The following AGXT2 variants were observed in gnomAD, a reference collection of about 807,000 sequenced individuals.
The protein encoded by AGXT2 is alanine--glyoxylate aminotransferase 2, mitochondrial.
In AGXT2, 61 loss-of-function variants were observed where a neutral mutation model predicts 62.5. The observed-to-expected ratio is 0.98, with a 90% CI of 0.79 to 1.21. The LOEUF (loss-of-function observed/expected upper bound fraction) is 1.21. Among genes scored for constraint, AGXT2 ranks in the 50% most tolerant of loss-of-function variants. The pLI is 0.00. For synonymous variants in AGXT2, 243 were observed against 218.7 expected, an observed-to-expected ratio of 1.11 and a Z score of -0.98; for missense variants, 666 against 641.5, an observed-to-expected ratio of 1.04 and a Z score of -0.41.
intron 1 of AGXT2, among the ~76,000 whole-genome samples, chr5:35,041,223 C>CGAAAAAAAAA (rs70973023): frequency 0.18 from 9,251 of 51,412 alleles, 1,328 homozygotes; most frequent in Middle Eastern, 0.26. Context: ...CTCCCCCCGC[C>CGAAAAAAAAA]AAAAAAAAAA....
At chr5:35,036,324 G>T (rs192613342) in intron 4 of AGXT2, among the ~76,000 whole-genome samples, 1 of 152,106 alleles carries the variant, frequency 6.6e-6, no homozygotes, top group Non-Finnish European at 1.5e-5. Context: ...GATAACACTC[G>T]GGACTGAGCA....
Position 35,022,650 on chromosome 5 carries a change from C to T in AGXT2, c.963+3113G>A, listed in dbSNP as rs560286517. 1.7e-4 allele frequency among the ~76,000 whole-genome samples: 25 copies of T among 150,596 alleles called. No individual in the cohort carries two copies. In the South Asian group the frequency reaches 5.3e-3, roughly 32 times the overall value. On this transcript the variant is annotated intron_variant, in intron 9 of 13. Transcript: ENST00000231420. ...ATGACGAGTTAGTGGGTGCAGCGCA[C>T]CAGCATGGCACATGTATACATATGC...
intron 9 of AGXT2, among the ~76,000 whole-genome samples, chr5:35,024,723 C>G (rs961138645): frequency 6.6e-5 from 10 of 152,306 alleles, no homozygotes; most frequent in Admixed American, 2.6e-4. Context: ...AAACCCAGCA[C>G]TTTGGGACGC....
chr5:35,040,604 G>C lies in AGXT2; in HGVS notation c.148C>G (p.Pro50Ala). The C allele has an allele frequency of 6.2e-7, 1 of 1,613,964 alleles. No homozygotes were observed. ...LSLHTKPRMP[P>A]CDFMPERYQS... ...TATCTTTCAGGCATGAAGTCACATG[G>C]AGGCATTCTGGGCTTTGTATGAAGA... is the stretch of plus-strand genomic sequence containing the variant. Residue 50 changes from proline to alanine, a missense_variant, in exon 2 of 14, where the codon CCA (proline) becomes GCA (alanine). Physicochemically the swap from Pro to Ala is conservative, Grantham distance 27. Transcript: ENST00000231420.
chr5:34,999,614 C>T (rs1766153935), intron 13 of AGXT2, among the ~76,000 whole-genome samples: 2 of 152,078 alleles, frequency 1.3e-5, no homozygotes, highest in Non-Finnish European at 2.9e-5. Flanking sequence ...TGTGGGTCAC[C>T]CCAACTTTTC....
intron 11 of AGXT2, among the ~76,000 whole-genome samples, chr5:35,011,896 A>C (rs1766654605): frequency 6.8e-6 from 1 of 147,538 alleles, no homozygotes; most frequent in East Asian, 2.0e-4. Flanking sequence ...TGATGAGTGG[A>C]TAAAGAAAAT....
At chr5:35,026,575 G>T in intron 7 of AGXT2, 65 bp from the exon 8 acceptor site, 1 of 1,344,424 alleles carries the variant, frequency 7.4e-7, no homozygotes, top group Non-Finnish European at 1.1e-6. Context: ...CTGATATTTA[G>T]AAACATGGGG....
At chr5:35,031,890 T>G (rs1355634883) in intron 7 of AGXT2, among the ~76,000 whole-genome samples, 1 of 151,296 alleles carries the variant, frequency 6.6e-6, no homozygotes, top group Non-Finnish European at 1.5e-5. Context: ...TTTCTTGTTT[T>G]TTTTTTTTTT....
intron 3 of AGXT2, among the ~76,000 whole-genome samples, chr5:35,037,412 T>C (rs1199136370): frequency 6.6e-6 from 1 of 152,204 alleles, no homozygotes; most frequent in Non-Finnish European, 1.5e-5. Context: ...GAAAAAGAGA[T>C]GACTAGTTGT....
chr5:35,011,579 AG>A (rs1766642231), intron 11 of AGXT2, among the ~76,000 whole-genome samples: 1 of 152,132 alleles, frequency 6.6e-6, no homozygotes, highest in Admixed American at 6.6e-5. Context: ...TAATTAATAA[AG>A]GCAGTGTTTT....
At chr5:35,047,322 A>G (rs995352602) in intron 1 of AGXT2, among the ~76,000 whole-genome samples, 1 of 152,182 alleles carries the variant, frequency 6.6e-6, no homozygotes, top group Non-Finnish European at 1.5e-5. Context: ...ATGTGCCTAT[A>G]GTTCCAGCTA....
At position 35,047,805 on chromosome 5, in the gene AGXT2, G is replaced by T. The variant is rs529945387; in HGVS notation, c.88C>A (p.Leu30Ile). ...CCACGTCCCCCTGGTTTCCACTTAC[G>T]GCTCAGGAAAGGATGCATCTCAAGG... ...RILEMHPFLS[L>I]GTSRTSVTKL... Residue 30 changes from leucine (L) to isoleucine (I), a missense_variant and splice_region_variant, in exon 1 of 14, where the codon CTA (leucine) becomes ATA (isoleucine). Transcript: ENST00000231420. The T allele has an allele frequency of 6.2e-7, 1 of 1,613,950 alleles. No individual in the cohort carries two copies. The highest frequency in any genetic ancestry group is 2.2e-5 in the East Asian group (1 of 44,846).
intron 1 of AGXT2, among the ~76,000 whole-genome samples, chr5:35,042,588 G>GA (rs888077036): frequency 6.6e-6 from 1 of 151,728 alleles, no homozygotes; most frequent in Non-Finnish European, 1.5e-5. Context: ...TTATTTGCCA[G>GA]AAAAAAAATG....
intron 4 of AGXT2, among the ~76,000 whole-genome samples, chr5:35,035,848 G>A (rs1035777274): frequency 2.4e-4 from 36 of 152,108 alleles, no homozygotes; most frequent in Admixed American, 1.1e-3. Flanking sequence ...AGGTTGAGGC[G>A]GGCGGATCAC....
rs758348087 is a variant in AGXT2, at chr5:35,039,492, C to T, written c.194G>A (p.Arg65His). Reference sequence around the variant, plus strand: ...ATGTTCCTTGTGGATTTCCAGGACACGGTTGTAGCCAAGGGACTGTAGATA... The same window carrying T: ...ATGTTCCTTGTGGATTTCCAGGACATGGTTGTAGCCAAGGGACTGTAGATA... ...PERYQSLGYN[R>H]VLEIHKEHLS... is the part of the protein sequence containing the mutation. The change falls in exon 3 of 14, where the codon CGT (arginine) becomes CAT (histidine). Residue 65 changes from arginine (R) to histidine (H), a missense_variant. Arg to His is a conservative substitution (Grantham distance 29). Transcript: ENST00000231420. 1.4e-5 allele frequency: 22 copies of T among 1,613,716 alleles called. No individual in the cohort carries two copies. Among genetic ancestry groups the T allele is most frequent in the South Asian group, 9.9e-5 (9 of 91,062 alleles).
intron 9 of AGXT2, among the ~76,000 whole-genome samples, chr5:35,023,301 T>C (rs531024427): frequency 1.3e-5 from 2 of 152,226 alleles, no homozygotes; most frequent in Admixed American, 6.5e-5. Context: ...GGGCATACTA[T>C]AGAACAGTTG....
At chr5:35,037,674 C>T (rs1767832215) in intron 3 of AGXT2, among the ~76,000 whole-genome samples, 1 of 152,196 alleles carries the variant, frequency 6.6e-6, no homozygotes, top group African/African-American at 2.4e-5. Context: ...GTCTCAGCCT[C>T]CTGAGTAGCT....
chr5:35,025,975 C>T (rs556056291), intron 8 of AGXT2, 120 bp from the exon 9 acceptor site: 1 of 843,214 alleles, frequency 1.2e-6, no homozygotes, highest in Non-Finnish European at 2.0e-6. Flanking sequence ...ATTTTAACAA[C>T]AGTCTGTAGA....
rs747755928 is a variant in AGXT2 at position 35,039,512 on chromosome 5, T to C, written c.178-4A>G. ...GGACACGGTTGTAGCCAAGGGACTG[T>C]AGATAAACAAGATTTAAACCCACAC... On this transcript the variant is annotated splice_polypyrimidine_tract_variant and splice_region_variant and intron_variant, in intron 2 of 13. Transcript: ENST00000231420. 1 of 1,613,494 alleles carries C rather than the reference T, an allele frequency of 6.2e-7. No homozygotes were observed.
Sources: allele counts gnomAD v4.1 joint callset (sites outside exome capture counted in the v4.1 genomes callset), GRCh38; gene constraint gnomAD v4.1.1; transcripts MANE v1.5; gene names NCBI Gene and HGNC (gene_info 2026-07-23, HGNC 2026-07-21).